Variants in ACACA observed in about 807,000 individuals in gnomAD.
ACACA encodes the protein acetyl-CoA carboxylase 1.
In ACACA, 103 loss-of-function variants were observed where a neutral mutation model predicts 296.1. The observed-to-expected ratio is 0.35, with a 90% CI of 0.30 to 0.41. The LOEUF (loss-of-function observed/expected upper bound fraction) is 0.41. Among genes scored for constraint, ACACA ranks in the 10% least tolerant of loss-of-function variants. The probability of loss-of-function intolerance (pLI) is 1.00; values close to 1 mark genes in which losing one functional copy is unlikely to be tolerated. For synonymous variants in ACACA, 953 were observed against 1,038.6 expected, an observed-to-expected ratio of 0.92 and a Z score of 1.58; for missense variants, 1,554 against 2,989.7, an observed-to-expected ratio of 0.52 and a Z score of 11.20.
At chr17:37,296,870 C>T (rs2083360077) in intron 3 of ACACA, among the ~76,000 whole-genome samples, 1 of 151,596 alleles carries the variant, frequency 6.6e-6, no homozygotes, top group Non-Finnish European at 1.5e-5. Flanking sequence ...GATCCTACCA[C>T]CACACCCGGC....
intron 45 of ACACA, among the ~76,000 whole-genome samples, chr17:37,146,283 C>T (rs1319565699): frequency 1.3e-5 from 2 of 152,092 alleles, no homozygotes; most frequent in Non-Finnish European, 2.9e-5. Context: ...CGCACACATG[C>T]AATGTATTAA....
At chr17:37,332,205 C>A in intron 2 of ACACA, among the ~76,000 whole-genome samples, 1 of 148,280 alleles carries the variant, frequency 6.7e-6, no homozygotes, top group East Asian at 2.0e-4. Flanking sequence ...TATCCCAGAA[C>A]TTAAAAGTAT....
chr17:37,155,094 T>A (rs2076186491), intron 43 of ACACA, among the ~76,000 whole-genome samples: 1 of 152,176 alleles, frequency 6.6e-6, no homozygotes, highest in South Asian at 2.1e-4. Flanking sequence ...AAAGGGATGA[T>A]CAGAGCTTTT....
In ACACA at chr17:37,243,466, G is replaced by A. The variant is rs1439694168; in HGVS notation, c.2836C>T (p.Arg946Cys). 6 of 1,613,998 alleles carry A rather than the reference G, an allele frequency of 3.7e-6. No individual in the cohort carries two copies. Among genetic ancestry groups the A allele is most frequent in the East Asian group, 2.2e-5 (1 of 44,878 alleles). The change falls in exon 22 of 56, where the codon CGC becomes TGC. Residue 946 changes from arginine to cysteine, a missense_variant. Around this residue, in one of 16 missense-constraint regions of ACACA, gnomAD observed 316 missense variants for 540.9 expected, o/e 0.58. Transcript: ENST00000616317. Reference sequence around the variant, plus strand: ...GACTTCTCCACATTGGGGGGAATGCGGCCAGACACACTGGTCATAATATCT... The same window carrying A: ...GACTTCTCCACATTGGGGGGAATGCAGCCAGACACACTGGTCATAATATCT... ...LQDIMTSVSG[R>C]IPPNVEKSIK...
rs533101373 is a variant in ACACA, at chr17:37,088,352, C to T, written c.7028+586G>A. 1.9e-3 allele frequency among the ~76,000 whole-genome samples: 283 copies of T among 152,134 alleles called. 1 individual carries two copies. The highest frequency in any genetic ancestry group is 6.7e-3 in the African/African-American group (277 of 41,488). ...AGTTCAGAAAGAGGAAAAATGTATA[C>T]ACATATGGGAGGGCAGGCACACTCA... is the stretch of plus-strand genomic sequence containing the variant. On this transcript the variant is annotated intron_variant, in intron 55 of 55. Transcript: ENST00000616317.
chr17:37,251,364 A>G (rs746843757), intron 16 of ACACA, among the ~76,000 whole-genome samples: 6 of 152,206 alleles, frequency 3.9e-5, no homozygotes, highest in Non-Finnish European at 7.3e-5. Context: ...TCTCAGTTCA[A>G]TTTTTAAATT....
In ACACA at chr17:37,191,130, T is replaced by C; in HGVS notation, c.4562A>G (p.Asp1521Gly). 6.2e-7 allele frequency: 1 copy of C among 1,614,086 alleles called. No individual in the cohort carries two copies. The highest frequency in any genetic ancestry group is 8.5e-7 in the Non-Finnish European group (1 of 1,179,988). The change falls in exon 38 of 56, where the codon GAC becomes GGC. Residue 1521 changes from aspartate (D) to glycine (G), a missense_variant. Coordinates refer to ENST00000616317, the MANE Select transcript of ACACA (RefSeq NM_198834.3). ...FLNFVPTVIM[D>G]PSKIEESVRS... is the part of the protein sequence containing the mutation. Reference sequence around the variant, plus strand: ...TAAGGAGAAATGTACCTTTGATGGGTCCATGATAACCGTGGGCACAAAGTT... The same window carrying C: ...TAAGGAGAAATGTACCTTTGATGGGCCCATGATAACCGTGGGCACAAAGTT...
rs368526859 is a variant in ACACA at position 37,087,297 on chromosome 17, G to T, written c.*19C>A. The stretch of plus-strand genomic sequence containing the variant: ...CCCTTTTCTCCAGAGACAGGGCAGG[G>T]ACAGGCAGGAAGCTCTTCCTACGTG... On this transcript the variant is annotated 3_prime_UTR_variant, in exon 56 of 56. Coordinates refer to ENST00000616317, the MANE Select transcript of ACACA (RefSeq NM_198834.3). The T allele has an allele frequency of 9.9e-6, 16 of 1,613,934 alleles. No homozygotes were observed. The highest frequency in any genetic ancestry group is 1.4e-5 in the Non-Finnish European group (16 of 1,180,032).
chr17:37,206,759 A>G (rs780019745), intron 32 of ACACA, 24 bp downstream of exon 32: 3 of 1,538,468 alleles, frequency 1.9e-6, no homozygotes, highest in Non-Finnish European at 2.7e-6. Context: ...GGAACAAAGC[A>G]GTCTCCCAAA....
chr17:37,203,253 C>A (rs2078352446), intron 33 of ACACA, among the ~76,000 whole-genome samples: 1 of 152,086 alleles, frequency 6.6e-6, no homozygotes, highest in African/African-American at 2.4e-5. Flanking sequence ...AGCCACTGCG[C>A]CTGGCTGAAA....
At chr17:37,215,940 A>C (rs2078960563) in intron 29 of ACACA, among the ~76,000 whole-genome samples, 1 of 152,084 alleles carries the variant, frequency 6.6e-6, no homozygotes, top group South Asian at 2.1e-4. Flanking sequence ...AGTCTGCACA[A>C]TAATAAAATG....
intron 42 of ACACA, 67 bp from the exon 43 acceptor site, chr17:37,155,847 G>A (rs1302760031): frequency 9.3e-7 from 1 of 1,071,630 alleles, no homozygotes; most frequent in African/African-American, 1.5e-5. Context: ...ATACAGCAAA[G>A]CATACATAAT....
intron 1 of ACACA, among the ~76,000 whole-genome samples, chr17:37,344,630 TAA>T (rs2048534167): frequency 6.6e-6 from 1 of 151,674 alleles, no homozygotes; most frequent in Non-Finnish European, 1.5e-5. Context: ...AAAAAGAAAT[TAA>T]AAAGTCTGGG....
chr17:37,306,200 A>G (rs1408850999), intron 3 of ACACA, among the ~76,000 whole-genome samples: 3 of 151,814 alleles, frequency 2.0e-5, no homozygotes, highest in African/African-American at 7.3e-5. Flanking sequence ...GAGCCACTGC[A>G]CCCGGCCAGC....
At chr17:37,094,605 T>C (rs1420485565) in intron 54 of ACACA, among the ~76,000 whole-genome samples, 3 of 138,054 alleles carry the variant, frequency 2.2e-5, no homozygotes, top group Non-Finnish European at 3.1e-5. Flanking sequence ...AGCAAGCAGA[T>C]TGTACATCAC....
chr17:37,244,535 G>A, intron 21 of ACACA, 53 bp downstream of exon 21: 1 of 1,597,110 alleles, frequency 6.3e-7, no homozygotes. Context: ...GAACTATTTT[G>A]GAGAATAGGT....
Position 37,097,273 on chromosome 17 carries a change from A to ACGT in ACACA, c.6721-108_6721-107insACG, listed in dbSNP as rs1422339162. On this transcript the variant is annotated intron_variant, in intron 53 of 55. Transcript: ENST00000616317. The surrounding 1 kb of genome is among the most constrained non-coding windows in gnomAD (Gnocchi z 4.8). ...AACTGATTCTCCAGGCAAGCCCTTC[A>ACGT]CAGACCCAAGAGCTGGCTGTAAACT... The ACGT allele has an allele frequency of 1.9e-5, 26 of 1,333,386 alleles. No homozygotes were observed. Among genetic ancestry groups the ACGT allele is most frequent in the Non-Finnish European group, 2.6e-5 (25 of 960,082 alleles). 82.6% of individuals were successfully genotyped at this position (1,333,386 alleles called of 1,614,324 possible).
At chr17:37,221,395 A>T (rs891197757) in intron 29 of ACACA, 3 of 370,668 alleles carry the variant, frequency 8.1e-6, no homozygotes, top group Non-Finnish European at 1.5e-5. Flanking sequence ...TTAAATTGTT[A>T]AAAAGAGTGA....
chr17:37,391,012 G>A (rs1377873309), intron 1 of ACACA, among the ~76,000 whole-genome samples: 1 of 151,972 alleles, frequency 6.6e-6, no homozygotes, highest in African/African-American at 2.4e-5. Flanking sequence ...AGGCCGAGGT[G>A]GATGGATCAT....
Sources: allele counts gnomAD v4.1 joint callset (sites outside exome capture counted in the v4.1 genomes callset), GRCh38; gene constraint gnomAD v4.1.1; regional missense constraint gnomAD v4.1.1; non-coding constraint Gnocchi (gnomAD v3.1); transcripts MANE v1.5; gene names NCBI Gene and HGNC (gene_info 2026-07-23, HGNC 2026-07-21).